The following NCOA2 variants were observed in gnomAD, a reference collection of about 807,000 sequenced individuals.
NCOA2 encodes the protein nuclear receptor coactivator 2.
A neutral mutation model predicts 145.1 loss-of-function variants in NCOA2; 21 were observed. That is an observed-to-expected ratio of 0.14 (90% CI 0.10 to 0.21). The LOEUF (loss-of-function observed/expected upper bound fraction) is 0.21, where lower values mean the gene tolerates loss of function less well. NCOA2 is among the 10% of genes least tolerant of loss of function. NCOA2 has a pLI of 1.00. For missense variants in NCOA2, 1,472 were observed against 1,837.6 expected, an observed-to-expected ratio of 0.80 and a Z score of 3.64; for synonymous variants, 619 against 637.5, an observed-to-expected ratio of 0.97 and a Z score of 0.44.
At chr8:70,183,872 A>T (rs1815756754) in intron 4 of NCOA2, among the ~76,000 whole-genome samples, 1 of 152,130 alleles carries the variant, frequency 6.6e-6, no homozygotes, top group Non-Finnish European at 1.5e-5. Flanking sequence ...TGCCTGGCAC[A>T]TAGTGGGCGC....
At chr8:70,338,976 A>G (rs1013520428) in intron 1 of NCOA2, among the ~76,000 whole-genome samples, 2 of 152,142 alleles carry the variant, frequency 1.3e-5, no homozygotes, top group African/African-American at 4.8e-5. Context: ...ATATATGACA[A>G]ACTCACAGCC....
chr8:70,292,931 T>A (rs1826804909), intron 2 of NCOA2, among the ~76,000 whole-genome samples: 1 of 152,206 alleles, frequency 6.6e-6, no homozygotes, highest in Non-Finnish European at 1.5e-5. Flanking sequence ...GCCTACATCA[T>A]CCTGAGTTCA....
At chr8:70,227,468 C>T (rs1820747474) in intron 2 of NCOA2, among the ~76,000 whole-genome samples, 1 of 152,104 alleles carries the variant, frequency 6.6e-6, no homozygotes, top group South Asian at 2.1e-4. Flanking sequence ...CCTTTTTATG[C>T]TCTTTTCTCT....
chr8:70,359,118 C>A (rs1249892504), intron 1 of NCOA2, among the ~76,000 whole-genome samples: 1 of 152,142 alleles, frequency 6.6e-6, no homozygotes, highest in Non-Finnish European at 1.5e-5. Flanking sequence ...AAATTAGAAA[C>A]CTCATACATT....
intron 1 of NCOA2, among the ~76,000 whole-genome samples, chr8:70,325,997 G>A (rs915164897): frequency 6.6e-6 from 1 of 152,098 alleles, no homozygotes; most frequent in Non-Finnish European, 1.5e-5. Context: ...TAGGAAACTA[G>A]CCTGCACTAC....
chr8:70,456,419 CGTT>C, the NCOA2 span, among the ~76,000 whole-genome samples: 8 of 152,098 alleles, frequency 5.3e-5, no homozygotes, highest in African/African-American at 1.7e-4. Flanking sequence ...AAGCGCCGGA[CGTT>C]GTTGAGAACA....
At chr8:70,383,754 C>G (rs987171320) in intron 1 of NCOA2, among the ~76,000 whole-genome samples, 1 of 152,182 alleles carries the variant, frequency 6.6e-6, no homozygotes, top group East Asian at 1.9e-4. Flanking sequence ...ATCCGCCCAC[C>G]TCGGCCTCCC....
rs745391177 is a variant in NCOA2, at chr8:70,303,773, G to A, written c.-76-6973C>T. Among the ~76,000 whole-genome samples, 16 of 152,182 alleles carry A rather than the reference G, an allele frequency of 1.1e-4. No individual in the cohort carries two copies. In the South Asian group the frequency reaches 2.3e-3, roughly 22 times the overall value. The stretch of plus-strand genomic sequence containing the variant: ...GTGCTTTGCCAAAAAACTGACAACA[G>A]TCTTTAACAGAATTACGGCGGAGGG... On this transcript the variant is annotated intron_variant, in intron 1 of 22. Transcript: ENST00000452400.
chr8:70,224,105 C>T (rs1242669166), intron 2 of NCOA2, among the ~76,000 whole-genome samples: 3 of 152,202 alleles, frequency 2.0e-5, no homozygotes, highest in Non-Finnish European at 4.4e-5. Flanking sequence ...CATGACAAAA[C>T]AGCTAACAGT....
chr8:70,277,106 A>T lies in NCOA2; in HGVS notation c.-20+19638T>A, dbSNP rs561991992. Among the ~76,000 whole-genome samples, 13 of 151,768 alleles carry T rather than the reference A, an allele frequency of 8.6e-5. No individual in the cohort carries two copies. The South Asian group carries it at 2.5e-3, about 29-fold the overall frequency. The stretch of plus-strand genomic sequence containing the variant: ...GTCCCAACCATGGGCAAGCTCTTTA[A>T]TTTTTTTTCCCTCGGGTTCTTCATC... On this transcript the variant is annotated intron_variant, in intron 2 of 22. Transcript: ENST00000452400.
intron 2 of NCOA2, among the ~76,000 whole-genome samples, chr8:70,238,162 G>A (rs552008933): frequency 1.4e-4 from 22 of 152,090 alleles, no homozygotes; most frequent in Middle Eastern, 3.4e-3. Context: ...GCGCGCGCGC[G>A]CGTGTGTGTG....
intron 2 of NCOA2, among the ~76,000 whole-genome samples, chr8:70,295,083 CGAG>C (rs1826990737): frequency 6.6e-6 from 1 of 152,000 alleles, no homozygotes; most frequent in Non-Finnish European, 1.5e-5. Context: ...AAAAATAAAA[CGAG>C]ACAAGAACCC....
intron 12 of NCOA2, among the ~76,000 whole-genome samples, chr8:70,146,736 T>C (rs1485447731): frequency 1.3e-5 from 2 of 152,044 alleles, no homozygotes; most frequent in Non-Finnish European, 2.9e-5. Context: ...ACTCTTGTTG[T>C]CCACGGTGGA....
intron 2 of NCOA2, among the ~76,000 whole-genome samples, chr8:70,257,067 T>C (rs1325801183): frequency 1.3e-5 from 2 of 152,214 alleles, no homozygotes; most frequent in Admixed American, 6.5e-5. Context: ...GGTACTAGTT[T>C]AGTCCACTTT....
chr8:70,367,115 C>T (rs1411365516), intron 1 of NCOA2, among the ~76,000 whole-genome samples: 2 of 152,198 alleles, frequency 1.3e-5, no homozygotes, highest in Admixed American at 1.3e-4. Flanking sequence ...AACACCCTAC[C>T]AGGCCTTGGG....
At chr8:70,164,592 C>G (rs1370066776) in intron 7 of NCOA2, among the ~76,000 whole-genome samples, 3 of 152,040 alleles carry the variant, frequency 2.0e-5, no homozygotes, top group African/African-American at 7.2e-5. Context: ...CTATAGGACC[C>G]CACACTGCCT....
intron 15 of NCOA2, 100 bp from the exon 16 acceptor site, chr8:70,132,102 G>T: frequency 7.9e-7 from 1 of 1,260,812 alleles, no homozygotes; most frequent in Non-Finnish European, 1.1e-6. Flanking sequence ...GACTTCCAGG[G>T]TTGTTGCAAC....
chr8:70,136,562 A>C (rs1809759671), intron 15 of NCOA2, among the ~76,000 whole-genome samples: 1 of 151,730 alleles, frequency 6.6e-6, no homozygotes, highest in Admixed American at 6.6e-5. Context: ...AAAAAAAAAA[A>C]ACCCAAAAAC....
At chr8:70,418,046 A>G in the NCOA2 span, among the ~76,000 whole-genome samples, 4 of 152,150 alleles carry the variant, frequency 2.6e-5, no homozygotes, top group Admixed American at 2.6e-4. Flanking sequence ...ATAAAATCTC[A>G]GGAATAGGAA....
Sources: gnomAD v4.1 joint callset for allele counts (sites outside exome capture counted in the v4.1 genomes callset) on GRCh38, gnomAD v4.1.1 for gene constraint, MANE v1.5 for transcripts, NCBI Gene and HGNC (gene_info 2026-07-23, HGNC 2026-07-21) for gene names.